HPF1: variants seen among roughly 807,000 people sequenced by gnomAD.
HPF1 encodes UPF0609 protein C4orf27.
HPF1 carries 35 observed loss-of-function variants against 38.8 expected under a neutral mutation model. That is an observed-to-expected ratio of 0.90 (90% CI 0.69 to 1.19). The LOEUF is 1.19. Ranked by LOEUF, HPF1 falls within the 50% of genes most tolerant of loss-of-function variation. The pLI is 0.00. For synonymous variants in HPF1, 115 were observed against 139.2 expected (o/e 0.83, Z 1.22); for missense variants, 367 against 405.8 (o/e 0.90, Z 0.82).
At chr4:169,745,387 T>C (rs1190574253) in intron 4 of HPF1, among the ~76,000 whole-genome samples, 3 of 152,112 alleles carry the variant, frequency 2.0e-5, no homozygotes, top group African/African-American at 7.2e-5. Flanking sequence ...GTCTTACTTG[T>C]CCCTGGTGGC....
intron 5 of HPF1, among the ~76,000 whole-genome samples, chr4:169,739,059 A>G (rs1050658669): frequency 8.3e-4 from 126 of 152,370 alleles, no homozygotes; most frequent in African/African-American, 3.0e-3. Context: ...TAATGGATGC[A>G]GCACACCAAC....
chr4:169,732,800 A>C (rs373242473), intron 6 of HPF1, among the ~76,000 whole-genome samples: 1 of 152,216 alleles, frequency 6.6e-6, no homozygotes, highest in African/African-American at 2.4e-5. Context: ...TACGGATTTT[A>C]AAAATACAGT....
intron 4 of HPF1, among the ~76,000 whole-genome samples, chr4:169,746,261 A>G (rs1734045739): frequency 6.6e-6 from 1 of 152,206 alleles, no homozygotes. Context: ...AATCTGTAAT[A>G]CACATATTTC....
chr4:169,752,168 C>CTTT (rs35247508), intron 2 of HPF1, among the ~76,000 whole-genome samples: 3,772 of 107,132 alleles, frequency 0.035, 324 homozygotes, highest in African/African-American at 0.082. Flanking sequence ...ACAGGCATGA[C>CTTT]TTTTTTTTTT....
chr4:169,742,065 C>G lies in HPF1; in HGVS notation c.540G>C (p.Lys180Asn), dbSNP rs1359511373. The G allele has an allele frequency of 6.2e-7, 1 of 1,610,624 alleles. No individual in the cohort carries two copies. Among genetic ancestry groups the G allele is most frequent in the Non-Finnish European group, 8.5e-7 (1 of 1,177,232 alleles). Residue 180 changes from lysine to asparagine, a missense_variant, in exon 5 of 8, where the codon AAG (lysine) becomes AAC (asparagine). Physicochemically the swap from Lys to Asn is moderately conservative, Grantham distance 94. Coordinates refer to ENST00000393381, the MANE Select transcript of HPF1 (RefSeq NM_017867.3). Reference sequence around the variant, plus strand: ...CTATGTTTTTCAAGAGATTGATTTTCTTTTTATCCGTTATTTCTCTAAGTT... The same window carrying G: ...CTATGTTTTTCAAGAGATTGATTTTGTTTTTATCCGTTATTTCTCTAAGTT... The part of the protein sequence containing the change: ...TKKLREITDK[K>N]KINLLKNIDE...
chr4:169,742,031 G>A lies in HPF1; in HGVS notation c.574C>T (p.Leu192Phe). The change falls in exon 5 of 8, where the codon CTC becomes TTC. Residue 192 changes from leucine (L) to phenylalanine (F), a missense_variant. Physicochemically the swap from Leu to Phe is conservative, Grantham distance 22. Transcript: ENST00000393381. ...INLLKNIDEK[L>F]TEAARELGYS... is the part of the protein sequence containing the mutation. Reference sequence around the variant, plus strand: ...CCCAATTCTCTGGCTGCTTCTGTGAGTTTTTCATCTATGTTTTTCAAGAGA... The same window carrying A: ...CCCAATTCTCTGGCTGCTTCTGTGAATTTTTCATCTATGTTTTTCAAGAGA... The A allele has an allele frequency of 6.2e-7, 1 of 1,611,546 alleles. No homozygotes were observed.
rs2150291464 is a variant in HPF1, at chr4:169,743,929, A to G, written c.498-1822T>C. ...TCAACTTACCCAAGTTGAGAGAGCT[A>G]ATAGATTAAACCCGTAGAGTTACCA... On this transcript the variant is annotated intron_variant, in intron 4 of 7. Coordinates refer to ENST00000393381, the MANE Select transcript of HPF1 (RefSeq NM_017867.3). Among the ~76,000 whole-genome samples the G allele has an allele frequency of 3.9e-5, 6 of 152,164 alleles. No individual in the cohort carries two copies. The South Asian group carries it at 1.2e-3, about 32-fold the overall frequency.
chr4:169,739,994 A>G (rs1733950388), intron 5 of HPF1, among the ~76,000 whole-genome samples: 2 of 152,212 alleles, frequency 1.3e-5, no homozygotes, highest in South Asian at 4.1e-4. Flanking sequence ...ATCAATTAAG[A>G]AGTCATCAGA....
chr4:169,739,065 C>T (rs888045483), intron 5 of HPF1, among the ~76,000 whole-genome samples: 1 of 152,106 alleles, frequency 6.6e-6, no homozygotes, highest in Admixed American at 6.5e-5. Context: ...ATGCAGCACA[C>T]CAACATGGCA....
intron 2 of HPF1, among the ~76,000 whole-genome samples, chr4:169,752,939 A>T (rs1260835370): frequency 2.0e-5 from 3 of 152,044 alleles, no homozygotes; most frequent in Non-Finnish European, 4.4e-5. Context: ...CTATAGCATT[A>T]ATCTATATTT....
At chr4:169,739,184 A>C (rs1733935428) in intron 5 of HPF1, among the ~76,000 whole-genome samples, 1 of 152,236 alleles carries the variant, frequency 6.6e-6, no homozygotes, top group Admixed American at 6.5e-5. Flanking sequence ...AAATTTTAAA[A>C]AATAATTTTG....
chr4:169,737,542 C>T, intron 6 of HPF1, 118 bp downstream of exon 6: 1 of 699,048 alleles, frequency 1.4e-6, no homozygotes, highest in Non-Finnish European at 2.6e-6. Flanking sequence ...CTCTTTATTA[C>T]TAAGGTCTAG....
chr4:169,733,687 G>A (rs889033480), intron 6 of HPF1, among the ~76,000 whole-genome samples: 2 of 152,118 alleles, frequency 1.3e-5, no homozygotes, highest in Non-Finnish European at 2.9e-5. Context: ...CTTGAACCCA[G>A]GAATTGGAGA....
intron 2 of HPF1, among the ~76,000 whole-genome samples, chr4:169,752,860 C>A (rs1042308478): frequency 1.3e-5 from 2 of 152,156 alleles, no homozygotes; most frequent in Non-Finnish European, 2.9e-5. Flanking sequence ...AAAGAGCTTG[C>A]TTTCCTTCAC....
intron 1 of HPF1, among the ~76,000 whole-genome samples, chr4:169,757,489 G>A (rs1734202873): frequency 6.6e-6 from 1 of 152,140 alleles, no homozygotes; most frequent in African/African-American, 2.4e-5. Flanking sequence ...GCAGGAGCAA[G>A]CAGGTTGACC....
At chr4:169,743,670 C>T (rs1560889157) in intron 4 of HPF1, among the ~76,000 whole-genome samples, 1 of 151,740 alleles carries the variant, frequency 6.6e-6, no homozygotes, top group African/African-American at 2.4e-5. Flanking sequence ...AAGATTTTTG[C>T]CATCAATATA....
chr4:169,744,567 C>A (rs1024345233), intron 4 of HPF1, among the ~76,000 whole-genome samples: 2 of 152,078 alleles, frequency 1.3e-5, no homozygotes, highest in Non-Finnish European at 2.9e-5. Flanking sequence ...CATGCAATGG[C>A]CCTTTGGAAA....
intron 2 of HPF1, among the ~76,000 whole-genome samples, chr4:169,751,132 G>A (rs1009357640): frequency 2.6e-5 from 4 of 152,112 alleles, no homozygotes; most frequent in Middle Eastern, 3.2e-3. Context: ...CAGGCCAGGT[G>A]TGGTCGCTCA....
At position 169,729,588 on chromosome 4, in the gene HPF1, A is replaced by G. The variant is rs1366324735; in HGVS notation, c.1031T>C (p.Leu344Pro). ...ANRSQENIDQ[L>P]AA is the part of the protein sequence containing the mutation. ...TCAAAGCCACCTTACTCATGCAGCA[A>G]GTTGGTCTATGTTCTCTTGACTTCT... Residue 344 changes from leucine (L) to proline (P), a missense_variant, in exon 8 of 8, where the codon CTT (leucine) becomes CCT (proline). Transcript: ENST00000393381. The G allele has an allele frequency of 6.5e-7, 1 of 1,547,258 alleles. No homozygotes were observed.
Sources: gnomAD v4.1 joint callset for allele counts (sites outside exome capture counted in the v4.1 genomes callset) on GRCh38, gnomAD v4.1.1 for gene constraint, MANE v1.5 for transcripts, NCBI Gene and HGNC (gene_info 2026-07-23, HGNC 2026-07-21) for gene names.